The following SNX29 variants were observed in gnomAD, a reference collection of about 807,000 sequenced individuals.
The protein encoded by SNX29 is sorting nexin-29.
A neutral mutation model predicts 102.1 loss-of-function variants in SNX29; 78 were observed. The observed-to-expected ratio is 0.76, with a 90% CI of 0.64 to 0.92. The LOEUF is 0.92. Ranked by LOEUF, SNX29 falls within the 40% of genes least tolerant of loss-of-function variation. SNX29 has a pLI of 0.00. For synonymous variants in SNX29, 580 were observed against 414.5 expected (o/e 1.40, Z -4.85); for missense variants, 1,280 against 1,061.7 (o/e 1.21, Z -2.86).
intron 15 of SNX29, among the ~76,000 whole-genome samples, chr16:12,349,663 T>TA (rs2081939528): frequency 6.6e-6 from 1 of 152,224 alleles, no homozygotes; most frequent in Non-Finnish European, 1.5e-5. Flanking sequence ...GCATTTTGGA[T>TA]AAGGGATACT....
Position 12,556,960 on chromosome 16 carries a change from C to G in SNX29, c.2319-11546C>G, listed in dbSNP as rs570911990. 6.4e-5 allele frequency among the ~76,000 whole-genome samples: 9 copies of G among 141,044 alleles called. No homozygotes were observed. The South Asian group carries it at 2.0e-3, about 32-fold the overall frequency. 92.5% of individuals were successfully genotyped at this position (141,044 alleles called of 152,430 possible). ...CTCTGCCGCTCAGGCTCAGTCTTCC[C>G]ACTTCTGCCTCATGAGTAGCTGGAC... On this transcript the variant is annotated intron_variant, in intron 20 of 20. Coordinates refer to ENST00000566228, the MANE Select transcript of SNX29 (RefSeq NM_032167.5).
At chr16:12,009,481 A>ATG (rs1567520944) in intron 3 of SNX29, among the ~76,000 whole-genome samples, 75 of 105,876 alleles carry the variant, frequency 7.1e-4, no homozygotes, top group African/African-American at 2.4e-3. Context: ...GTGTGTGTGT[A>ATG]TATATATATA....
intron 12 of SNX29, among the ~76,000 whole-genome samples, chr16:12,128,548 G>A (rs1331641080): frequency 2.0e-5 from 3 of 151,368 alleles, no homozygotes; most frequent in Non-Finnish European, 2.9e-5. Context: ...TGCCTCCCGG[G>A]TTCAAGCAAT....
intron 15 of SNX29, among the ~76,000 whole-genome samples, chr16:12,288,679 A>G (rs113780997): frequency 0.036 from 4,456 of 124,368 alleles, 107 homozygotes; most frequent in African/African-American, 0.081. Flanking sequence ...ACATCTGGGG[A>G]AAAAAAAAAA....
chr16:12,064,005 G>A (rs2050904721), intron 9 of SNX29, among the ~76,000 whole-genome samples: 1 of 151,996 alleles, frequency 6.6e-6, no homozygotes, highest in African/African-American at 2.4e-5. Context: ...GATGTGTCTA[G>A]GACCCCTGGG....
chr16:12,562,687 T>G (rs12935425), intron 20 of SNX29, among the ~76,000 whole-genome samples: 4 of 151,996 alleles, frequency 2.6e-5, no homozygotes, highest in Non-Finnish European at 5.9e-5. Context: ...AGGCACTGCC[T>G]TCTTTGGAGT....
intron 14 of SNX29, among the ~76,000 whole-genome samples, chr16:12,223,514 TAGC>T (rs2077531690): frequency 6.6e-6 from 1 of 152,034 alleles, no homozygotes; most frequent in African/African-American, 2.4e-5. Flanking sequence ...ATACAAAAAT[TAGC>T]AGGGCGTGGG....
chr16:12,539,157 C>G (rs1054629038), intron 20 of SNX29, among the ~76,000 whole-genome samples: 3 of 151,698 alleles, frequency 2.0e-5, no homozygotes, highest in Admixed American at 6.6e-5. Context: ...GACTTTTGCT[C>G]TTGTTCATGT....
At chr16:12,566,791 G>A (rs939084793) in intron 20 of SNX29, among the ~76,000 whole-genome samples, 1 of 152,218 alleles carries the variant, frequency 6.6e-6, no homozygotes, top group African/African-American at 2.4e-5. Flanking sequence ...ACGCCAGGCT[G>A]GTTGGGCTCA....
intron 20 of SNX29, among the ~76,000 whole-genome samples, chr16:12,545,912 G>C (rs748875142): frequency 3.5e-4 from 54 of 152,170 alleles, no homozygotes; most frequent in Non-Finnish European, 7.2e-4. Context: ...AGCATTCTAG[G>C]TGTTCGGGGC....
Position 12,568,774 on chromosome 16 carries a change from C to G in SNX29, c.*145C>G. The G allele has an allele frequency of 1.7e-5, 22 of 1,274,828 alleles. No individual in the cohort carries two copies. The highest frequency in any genetic ancestry group is 2.3e-5 in the Non-Finnish European group (22 of 945,658). 79.0% of individuals were successfully genotyped at this position (1,274,828 alleles called of 1,614,324 possible). On this transcript the variant is annotated 3_prime_UTR_variant, in exon 21 of 21. Coordinates refer to ENST00000566228, the MANE Select transcript of SNX29 (RefSeq NM_032167.5). ...CACGATTCCCAACAGTTACACAACA[C>G]CCCGATTAAACTAATCAGTCTTCGA... is the stretch of plus-strand genomic sequence containing the variant.
intron 18 of SNX29, among the ~76,000 whole-genome samples, chr16:12,415,243 C>A (rs766471586): frequency 2.0e-5 from 3 of 152,222 alleles, no homozygotes; most frequent in African/African-American, 7.2e-5. Flanking sequence ...AAGGTATAAG[C>A]GCTGTACAAG....
chr16:12,534,155 G>A (rs910345572), intron 20 of SNX29, among the ~76,000 whole-genome samples: 1 of 152,256 alleles, frequency 6.6e-6, no homozygotes, highest in East Asian at 1.9e-4. Context: ...TCAGGGCAGC[G>A]CGGCCTCTGC....
intron 13 of SNX29, among the ~76,000 whole-genome samples, chr16:12,198,354 A>T (rs1028791802): frequency 7.2e-5 from 11 of 152,320 alleles, no homozygotes; most frequent in African/African-American, 2.6e-4. Context: ...AATAGGATGG[A>T]TATAAAAATG....
chr16:12,403,201 T>TA (rs1491553369), intron 17 of SNX29, among the ~76,000 whole-genome samples: 2 of 67,466 alleles, frequency 3.0e-5, no homozygotes, highest in African/African-American at 1.9e-4. Flanking sequence ...ATTGTGTGTG[T>TA]ATGTGTGTGT....
intron 13 of SNX29, among the ~76,000 whole-genome samples, chr16:12,143,099 G>A (rs945951747): frequency 6.6e-6 from 1 of 151,920 alleles, no homozygotes; most frequent in Non-Finnish European, 1.5e-5. Context: ...CTGGGTGCAA[G>A]CGATTCTCCT....
At chr16:12,546,709 A>T (rs2077627250) in intron 20 of SNX29, 1 of 152,222 alleles carries the variant, frequency 6.6e-6, no homozygotes, top group African/African-American at 2.4e-5. Context: ...GATTAAAGCT[A>T]TTATTTTGAC....
chr16:12,456,506 CGTGT>C (rs3072479), intron 18 of SNX29, among the ~76,000 whole-genome samples: 74 of 148,928 alleles, frequency 5.0e-4, no homozygotes, highest in South Asian at 8.6e-4. Flanking sequence ...CATGTGTGCA[CGTGT>C]GTGTGTGTGT....
At chr16:12,101,953 T>A (rs1348023118) in intron 11 of SNX29, among the ~76,000 whole-genome samples, 1 of 152,072 alleles carries the variant, frequency 6.6e-6, no homozygotes, top group East Asian at 1.9e-4. Flanking sequence ...TGTGTGATGT[T>A]CCCCTCCCTG....
Sources: gnomAD v4.1 joint callset for allele counts (sites outside exome capture counted in the v4.1 genomes callset) on GRCh38, gnomAD v4.1.1 for gene constraint, MANE v1.5 for transcripts, NCBI Gene and HGNC (gene_info 2026-07-23, HGNC 2026-07-21) for gene names.